The following NETO1 variants were observed in gnomAD, a reference collection of about 807,000 sequenced individuals.
NETO1 encodes neuropilin and tolloid-like protein 1.
In NETO1, 26 loss-of-function variants were observed where a neutral mutation model predicts 61.3. The observed-to-expected ratio is 0.42, with a 90% confidence interval of 0.31 to 0.59. The LOEUF is 0.59. NETO1 is among the 20% of genes least tolerant of loss of function. The probability of loss-of-function intolerance (pLI) is 0.12; values close to 1 mark genes in which losing one functional copy is unlikely to be tolerated. For synonymous variants in NETO1, 225 were observed against 225.8 expected, an observed-to-expected ratio of 1.00 and a Z score of 0.03; for missense variants, 531 against 662.8, an observed-to-expected ratio of 0.80 and a Z score of 2.18.
intron 4 of NETO1, among the ~76,000 whole-genome samples, chr18:72,838,063 C>A (rs2073811684): frequency 6.6e-6 from 1 of 152,020 alleles, no homozygotes; most frequent in African/African-American, 2.4e-5. Context: ...ATTCTCCGTC[C>A]CCATCACCAT....
At chr18:72,843,039 T>C (rs2073981874) in intron 4 of NETO1, among the ~76,000 whole-genome samples, 1 of 152,198 alleles carries the variant, frequency 6.6e-6, no homozygotes, top group Non-Finnish European at 1.5e-5. Context: ...CACATATTAT[T>C]CTGCTGGAAA....
chr18:72,763,360 A>C (rs2071043589), intron 7 of NETO1, among the ~76,000 whole-genome samples: 1 of 152,132 alleles, frequency 6.6e-6, no homozygotes, highest in African/African-American at 2.4e-5. Context: ...AAGACTCATT[A>C]CACCACTGGA....
intron 7 of NETO1, among the ~76,000 whole-genome samples, chr18:72,763,751 A>G (rs12960853): frequency 0.3 from 45,665 of 151,928 alleles, 7,976 homozygotes; most frequent in South Asian, 0.41. Flanking sequence ...AATGCTCACA[A>G]ACACGTATGG....
At chr18:72,867,087 C>T (rs917058885) in intron 1 of NETO1, 177 bp downstream of exon 1, 10 of 493,104 alleles carry the variant, frequency 2.0e-5, no homozygotes, top group African/African-American at 1.6e-4. Flanking sequence ...CGCGCGCCGC[C>T]CCCACGCCCG....
intron 4 of NETO1, among the ~76,000 whole-genome samples, chr18:72,840,336 T>C (rs1188047140): frequency 6.6e-6 from 1 of 152,178 alleles, no homozygotes; most frequent in Non-Finnish European, 1.5e-5. Flanking sequence ...CTCACCACAG[T>C]TCCTCCTTTC....
At chr18:72,825,237 C>T (rs1437239061) in intron 4 of NETO1, among the ~76,000 whole-genome samples, 3 of 152,182 alleles carry the variant, frequency 2.0e-5, no homozygotes, top group Non-Finnish European at 2.9e-5. Context: ...CTTTCCACAT[C>T]ACCTGAAGTA....
intron 6 of NETO1, among the ~76,000 whole-genome samples, chr18:72,786,840 A>G (rs1165371493): frequency 2.6e-5 from 4 of 151,456 alleles, no homozygotes; most frequent in Non-Finnish European, 5.9e-5. Context: ...TTTTTTTTTC[A>G]GATGACCTTT....
intron 4 of NETO1, among the ~76,000 whole-genome samples, chr18:72,839,813 C>T (rs9961098): frequency 0.96 from 146,176 of 152,240 alleles, 70,269 homozygotes; most frequent in Non-Finnish European, 0.99. Context: ...GTTTTTTGTC[C>T]TAAATTTAAC....
intron 7 of NETO1, among the ~76,000 whole-genome samples, chr18:72,772,201 GT>G (rs1251663841): frequency 6.6e-6 from 1 of 152,106 alleles, no homozygotes; most frequent in East Asian, 1.9e-4. Context: ...GCCAGGTGGA[GT>G]GTTCACTACA....
chr18:72,786,407 A>C (rs1400479901), intron 6 of NETO1, among the ~76,000 whole-genome samples: 4 of 152,234 alleles, frequency 2.6e-5, no homozygotes. Context: ...CAAATGAATC[A>C]AACTGAACAA....
At chr18:72,818,226 A>G (rs2073086315) in intron 4 of NETO1, among the ~76,000 whole-genome samples, 1 of 152,198 alleles carries the variant, frequency 6.6e-6, no homozygotes, top group African/African-American at 2.4e-5. Context: ...AATGAATCTG[A>G]CCATGCTGTC....
At chr18:72,786,700 C>G (rs1438868269) in intron 6 of NETO1, among the ~76,000 whole-genome samples, 1 of 151,906 alleles carries the variant, frequency 6.6e-6, no homozygotes, top group East Asian at 1.9e-4. Context: ...TATTTCATTT[C>G]TAAAATTATT....
intron 8 of NETO1, among the ~76,000 whole-genome samples, chr18:72,752,494 CA>C (rs2070654270): frequency 1.3e-5 from 2 of 152,084 alleles, no homozygotes; most frequent in South Asian, 4.1e-4. Flanking sequence ...ATGGTCCAGC[CA>C]AGTCTACATT....
chr18:72,836,215 C>A (rs1273052566), intron 4 of NETO1, among the ~76,000 whole-genome samples: 1 of 152,138 alleles, frequency 6.6e-6, no homozygotes, highest in South Asian at 2.1e-4. Flanking sequence ...GTTTCCACTG[C>A]CCAGGGTGCT....
At chr18:72,758,615 T>A (rs1599102331) in intron 7 of NETO1, among the ~76,000 whole-genome samples, 2 of 152,096 alleles carry the variant, frequency 1.3e-5, no homozygotes, top group Non-Finnish European at 2.9e-5. Context: ...GGTGGGCGAA[T>A]CACCTGAGGC....
rs1248508589 is a variant in NETO1 at position 72,745,113 on chromosome 18, A to T, written c.*3066T>A. 6.6e-6 allele frequency: 1 copy of T among 152,226 alleles called. No homozygotes were observed. Among genetic ancestry groups the T allele is most frequent in the Non-Finnish European group, 1.5e-5 (1 of 68,034 alleles). The allele number at this position is 152,226 out of a possible 1,614,324, so 9.4% of individuals were successfully genotyped here. On this transcript the variant is annotated 3_prime_UTR_variant, in exon 11 of 11. Transcript: ENST00000327305. Reference sequence around the variant, plus strand: ...AACACCACAATGTGATTTGTTCTCCATTAAAAGCCCAAAGACACTGATCTC... The same window carrying T: ...AACACCACAATGTGATTTGTTCTCCTTTAAAAGCCCAAAGACACTGATCTC...
rs988162603 is a variant in NETO1, at chr18:72,867,951, G to C, written c.-660C>G. 1.3e-5 allele frequency: 2 copies of C among 151,362 alleles called. No homozygotes were observed. Among genetic ancestry groups the C allele is most frequent in the East Asian group, 2.0e-4 (1 of 5,120 alleles). 9.4% of individuals were successfully genotyped at this position (151,362 alleles called of 1,614,324 possible). A position where few individuals can be genotyped will look rare whatever the true frequency, so the allele number is the denominator to read the frequency against. On this transcript the variant is annotated 5_prime_UTR_variant, in exon 1 of 11. Coordinates refer to ENST00000327305, the MANE Select transcript of NETO1 (RefSeq NM_138966.5). ...AGGCAGGAAGAAGGGGTCCGTCATC[G>C]GCTCGCCGGGCTGCGCGCCACCTCT... is the stretch of plus-strand genomic sequence containing the variant.
chr18:72,842,086 A>T (rs780188917), intron 4 of NETO1, among the ~76,000 whole-genome samples: 1 of 152,184 alleles, frequency 6.6e-6, no homozygotes, highest in Non-Finnish European at 1.5e-5. Context: ...CTGTATTTGC[A>T]ACTTTTCTGT....
chr18:72,766,220 ATGTGTG>A (rs34670401), intron 7 of NETO1, among the ~76,000 whole-genome samples: 5,530 of 144,696 alleles, frequency 0.038, 273 homozygotes, highest in African/African-American at 0.11. Context: ...AAAAAAAAAT[ATGTGTG>A]TGTGTGTGTG....
Sources: allele counts gnomAD v4.1 joint callset (sites outside exome capture counted in the v4.1 genomes callset), GRCh38; gene constraint gnomAD v4.1.1; transcripts MANE v1.5; gene names NCBI Gene and HGNC (gene_info 2026-07-23, HGNC 2026-07-21).